ZNF627: variants seen among roughly 807,000 people sequenced by gnomAD.
ZNF627 encodes zinc finger protein 627.
A neutral mutation model predicts 10.6 loss-of-function variants in ZNF627; 12 were observed. The observed-to-expected ratio is 1.13, with a 90% CI of 0.73 to 1.84. ZNF627 has a LOEUF of 1.84. Ranked by LOEUF, ZNF627 falls within the 40% of genes most tolerant of loss-of-function variation. The pLI is 0.00. For missense variants in ZNF627, 504 were observed against 568.4 expected, an observed-to-expected ratio of 0.89 and a Z score of 1.15; for synonymous variants, 176 against 187.1, an observed-to-expected ratio of 0.94 and a Z score of 0.48.
At chr19:11,602,056 A>C (rs1205346917) in intron 1 of ZNF627, among the ~76,000 whole-genome samples, 1 of 151,078 alleles carries the variant, frequency 6.6e-6, no homozygotes, top group Non-Finnish European at 1.5e-5. Context: ...GAGTTTATGC[A>C]GAAAAGGATT....
intron 1 of ZNF627, among the ~76,000 whole-genome samples, 193 bp from the exon 2 acceptor site, chr19:11,614,334 C>G (rs542232570): frequency 6.6e-6 from 1 of 152,262 alleles, no homozygotes; most frequent in South Asian, 2.1e-4. Flanking sequence ...TCTGCTGTTG[C>G]TAGTTCAGTT....
In ZNF627 at chr19:11,618,621, G is replaced by T. The variant is rs1973920882; in HGVS notation, c.*732G>T. ...GCTGCTGTCAAAACCAACCAGAGGG[G>T]AGCTTGTTCTTCTGCTGTAGTGTGC... is the stretch of plus-strand genomic sequence containing the variant. On this transcript the variant is annotated 3_prime_UTR_variant, in exon 4 of 4. Transcript: ENST00000361113. 1 of 152,144 alleles carries T rather than the reference G, an allele frequency of 6.6e-6. No homozygotes were observed. The highest frequency in any genetic ancestry group is 2.4e-5 in the African/African-American group (1 of 41,426). 9.4% of individuals were successfully genotyped at this position (152,144 alleles called of 1,614,324 possible).
chr19:11,616,679 T>A lies in ZNF627; in HGVS notation c.192-16T>A. 6.7e-7 allele frequency: 1 copy of A among 1,501,134 alleles called. No homozygotes were observed. Among genetic ancestry groups the A allele is most frequent in the South Asian group, 1.3e-5 (1 of 76,560 alleles). The allele number at this position is 1,501,134 out of a possible 1,614,324, so 93.0% of individuals were successfully genotyped here. A position where few individuals can be genotyped will look rare whatever the true frequency, so the allele number is the denominator to read the frequency against. On this transcript the variant is annotated splice_polypyrimidine_tract_variant and intron_variant, in intron 3 of 3. Transcript: ENST00000361113. ...AAACAAAACATTAATAATGTACTTC[T>A]CATTTTTCTGACAAGTCATATTCCA...
chr19:11,612,453 T>TGA lies in ZNF627; in HGVS notation c.4-2074_4-2073insGA, dbSNP rs1555754497. Among the ~76,000 whole-genome samples, 185 of 56,210 alleles carry TGA rather than the reference T, an allele frequency of 3.3e-3. 3 individuals are homozygous for TGA. Among genetic ancestry groups the TGA allele is most frequent in the African/African-American group, 0.013 (174 of 13,834 alleles). The allele number at this position is 56,210 out of a possible 152,430, so 36.9% of individuals were successfully genotyped here. A position where few individuals can be genotyped will look rare whatever the true frequency, so the allele number is the denominator to read the frequency against. ...TTTTTTTTTTTTTTGAGACAGAGTC[T>TGA]CACTGTCATCTAGGCTGGAGTGCAG... is the stretch of plus-strand genomic sequence containing the variant. On this transcript the variant is annotated intron_variant, in intron 1 of 3. Transcript: ENST00000361113.
intron 1 of ZNF627, among the ~76,000 whole-genome samples, chr19:11,597,884 T>C (rs1599650654): frequency 6.6e-6 from 1 of 152,118 alleles, no homozygotes; most frequent in Admixed American, 6.5e-5. Flanking sequence ...GTCATGGGGG[T>C]ATCCCTCCTC....
chr19:11,617,479 A>G lies in ZNF627; in HGVS notation c.976A>G (p.Met326Val), dbSNP rs373133500. The change falls in exon 4 of 4, where the codon ATG becomes GTG. Residue 326 changes from methionine (M) to valine (V), a missense_variant. By Grantham distance (21) the Met-to-Val change is conservative. Coordinates refer to ENST00000361113, the MANE Select transcript of ZNF627 (RefSeq NM_145295.4). Reference sequence around the variant, plus strand: ...TTGTCTTGCAAGTGTTAGAAGACACATGATAAAGCACACTGGCAATGGACC... The same window carrying G: ...TTGTCTTGCAAGTGTTAGAAGACACGTGATAAAGCACACTGGCAATGGACC... ...LTCLASVRRHMIKHTGNGPYK... is the reference protein window; with the variant it reads ...LTCLASVRRHVIKHTGNGPYK... 3.5e-5 allele frequency: 56 copies of G among 1,613,706 alleles called. No individual in the cohort carries two copies. Among genetic ancestry groups the G allele is most frequent in the Middle Eastern group, 1.6e-4 (1 of 6,084 alleles).
chr19:11,608,426 T>C (rs1020972359), intron 1 of ZNF627, among the ~76,000 whole-genome samples: 3 of 152,234 alleles, frequency 2.0e-5, no homozygotes, highest in South Asian at 4.1e-4. Context: ...ATGCTAGGTT[T>C]GAAGCAGCTG....
chr19:11,605,086 T>TC (rs1973651459), intron 1 of ZNF627, among the ~76,000 whole-genome samples: 1 of 141,566 alleles, frequency 7.1e-6, no homozygotes, highest in African/African-American at 2.6e-5. Flanking sequence ...CTTTCTTTTT[T>TC]TTTTTTTTTT....
chr19:11,601,061 A>T (rs901677484), intron 1 of ZNF627, among the ~76,000 whole-genome samples: 1 of 152,212 alleles, frequency 6.6e-6, no homozygotes, highest in East Asian at 1.9e-4. Context: ...CTTGAAACTA[A>T]GACCAATCTT....
intron 3 of ZNF627, 32 bp from the exon 4 acceptor site, chr19:11,616,663 A>G (rs1973872687): frequency 7.2e-7 from 1 of 1,390,616 alleles, no homozygotes; most frequent in Non-Finnish European, 9.8e-7. Flanking sequence ...TAAACAAAAC[A>G]TTAATAATGT....
At chr19:11,597,932 C>T (rs1215133497) in intron 1 of ZNF627, among the ~76,000 whole-genome samples, 1 of 152,196 alleles carries the variant, frequency 6.6e-6, no homozygotes, top group Non-Finnish European at 1.5e-5. Flanking sequence ...GGTCTGTGGC[C>T]GCCCCCCACA....
At position 11,601,598 on chromosome 19, in the gene ZNF627, G is replaced by A. The variant is rs547969158; in HGVS notation, c.3+3968G>A. Among the ~76,000 whole-genome samples the A allele has an allele frequency of 5.9e-5, 9 of 152,072 alleles. No homozygotes were observed. In the South Asian group the frequency reaches 8.3e-4, roughly 14 times the overall value. Reference sequence around the variant, plus strand: ...CCTGGCCTCGAGCAATCCTCCCACCGTAGCCTCCCCAAATTCCAGGATTAT... The same window carrying A: ...CCTGGCCTCGAGCAATCCTCCCACCATAGCCTCCCCAAATTCCAGGATTAT... On this transcript the variant is annotated intron_variant, in intron 1 of 3. Transcript: ENST00000361113.
chr19:11,597,639 G>T lies in ZNF627; in HGVS notation c.3+9G>T. On this transcript the variant is annotated intron_variant, in intron 1 of 3. Coordinates refer to ENST00000361113, the MANE Select transcript of ZNF627 (RefSeq NM_145295.4). ...CTGGAAGCCGAGAAATGGTGCGTGT[G>T]AGGGGTCAGGCGTCCCCAGACCTGG... The T allele has an allele frequency of 7.5e-7, 1 of 1,336,940 alleles. No individual in the cohort carries two copies. The highest frequency in any genetic ancestry group is 9.6e-7 in the Non-Finnish European group (1 of 1,037,144). The allele number at this position is 1,336,940 out of a possible 1,614,324, so 82.8% of individuals were successfully genotyped here. A position where few individuals can be genotyped will look rare whatever the true frequency, so the allele number is the denominator to read the frequency against.
At chr19:11,598,952 C>T (rs1214382219) in intron 1 of ZNF627, among the ~76,000 whole-genome samples, 1 of 152,066 alleles carries the variant, frequency 6.6e-6, no homozygotes, top group African/African-American at 2.4e-5. Flanking sequence ...GAGGCCAAGG[C>T]GGGAGGATCA....
At position 11,617,867 on chromosome 19, in the gene ZNF627, C is replaced by G; in HGVS notation, c.1364C>G (p.Ser455Ter). 1 of 1,545,436 alleles carries G rather than the reference C, an allele frequency of 6.5e-7. No homozygotes were observed. Among genetic ancestry groups the G allele is most frequent in the Non-Finnish European group, 8.7e-7 (1 of 1,154,862 alleles). The change falls in exon 4 of 4, where the codon TCA (serine) becomes TGA (stop). Residue 455 changes from serine to a stop codon, truncating the protein, a stop_gained. Coordinates refer to ENST00000361113, the MANE Select transcript of ZNF627 (RefSeq NM_145295.4). LOFTEE classifies it low-confidence loss of function (END_TRUNC). ...KPYENPNPNA[S>*]VVPVLS is the part of the protein sequence containing the mutation. ...TATGAGAACCCTAACCCTAACGCTT[C>G]AGTTGTCCCAGTTCTTTCATGAGCA...
At position 11,617,133 on chromosome 19, in the gene ZNF627, T is replaced by C. The variant is rs780631497; in HGVS notation, c.630T>C (p.Phe210=). 90 of 1,613,836 alleles carry C rather than the reference T, an allele frequency of 5.6e-5. No homozygotes were observed. The highest frequency in any genetic ancestry group is 7.2e-5 in the Non-Finnish European group (85 of 1,180,004). The stretch of plus-strand genomic sequence containing the variant: ...AAGCCTTTGATTATCCCAGTTTATT[T>C]CGTATACATGAAAGAAGTCACACTG... The part of the protein sequence containing the change: ...CGKAFDYPSL[F]RIHERSHTGE... Residue 210 remains phenylalanine (F), a synonymous_variant, in exon 4 of 4, where the codon TTT becomes TTC. Coordinates refer to ENST00000361113, the MANE Select transcript of ZNF627 (RefSeq NM_145295.4).
In ZNF627 at chr19:11,603,313, C is replaced by T. The variant is rs1973619515; in HGVS notation, c.3+5683C>T. Among the ~76,000 whole-genome samples the T allele has an allele frequency of 2.3e-5, 3 of 127,808 alleles. No individual in the cohort carries two copies. In the Admixed American group the frequency reaches 2.8e-4, roughly 12 times the overall value. The allele number at this position is 127,808 out of a possible 152,430, so 83.8% of individuals were successfully genotyped here. On this transcript the variant is annotated intron_variant, in intron 1 of 3. Coordinates refer to ENST00000361113, the MANE Select transcript of ZNF627 (RefSeq NM_145295.4). ...TTTTTTTTTTTTTTTGAGATGGAGT[C>T]TCACTGTGTAGCCCAGGCTGGAGTG...
intron 1 of ZNF627, among the ~76,000 whole-genome samples, chr19:11,608,277 T>C (rs1185248462): frequency 6.6e-6 from 1 of 152,046 alleles, no homozygotes; most frequent in Non-Finnish European, 1.5e-5. Context: ...AACTACAATT[T>C]AAGATGAGAT....
At chr19:11,615,824 T>A (rs1973857512) in intron 3 of ZNF627, among the ~76,000 whole-genome samples, 1 of 147,992 alleles carries the variant, frequency 6.8e-6, no homozygotes, top group South Asian at 2.2e-4. Flanking sequence ...TTCAAGCGAT[T>A]CTCCTGCCTG....
Sources: allele counts gnomAD v4.1 joint callset (sites outside exome capture counted in the v4.1 genomes callset), GRCh38; gene constraint gnomAD v4.1.1; transcripts MANE v1.5; gene names NCBI Gene and HGNC (gene_info 2026-07-23, HGNC 2026-07-21).